Variants in COL27A1 observed in about 807,000 individuals in gnomAD.
The protein encoded by COL27A1 is collagen type XXVII alpha 1 chain, also known as collagen alpha-1(XXVII) chain.
Under a neutral mutation model 251.3 loss-of-function variants are expected in COL27A1, and 106 were observed. The ratio of observed to expected loss-of-function variants is 0.42; its 90% CI spans 0.36 to 0.50. The LOEUF (loss-of-function observed/expected upper bound fraction) is 0.50. COL27A1 is among the 20% of genes least tolerant of loss of function. The pLI is 0.00. For synonymous variants in COL27A1, 1,000 were observed against 986.3 expected (o/e 1.01, Z -0.26); for missense variants, 2,325 against 2,522.8 (o/e 0.92, Z 1.68).
intron 37 of COL27A1, among the ~76,000 whole-genome samples, chr9:114,276,894 C>T (rs1024619752): frequency 3.3e-5 from 5 of 152,196 alleles, no homozygotes; most frequent in African/African-American, 9.7e-5. Context: ...AATGCTTTCT[C>T]GAAGGTTCCC....
In COL27A1 at chr9:114,290,050, T is replaced by C; in HGVS notation, c.4207-8T>C. 6.2e-7 allele frequency: 1 copy of C among 1,611,446 alleles called. No homozygotes were observed. ...GCAGCCTCCATCATGTGGCCCTTGA[T>C]TTTTCAGGGACCAAAGGGAAAGCAA... On this transcript the variant is annotated splice_polypyrimidine_tract_variant and splice_region_variant and intron_variant, in intron 45 of 60. Transcript: ENST00000356083. The surrounding 1 kb of genome is among the most constrained non-coding windows in gnomAD (Gnocchi z 4.6).
At chr9:114,213,626 G>A (rs1242579334) in intron 12 of COL27A1, among the ~76,000 whole-genome samples, 1 of 152,186 alleles carries the variant, frequency 6.6e-6, no homozygotes, top group Admixed American at 6.5e-5. Flanking sequence ...CCAGAAGAAG[G>A]CATGGTTGCC....
chr9:114,309,556 T>C, intron 60 of COL27A1, 78 bp downstream of exon 60: 1 of 1,017,236 alleles, frequency 9.8e-7, no homozygotes, highest in South Asian at 1.5e-5. Flanking sequence ...TGTGTTTCTA[T>C]TATAAGATTA....
chr9:114,300,629 C>T lies in COL27A1; in HGVS notation c.4643C>T (p.Pro1548Leu), dbSNP rs750599765. 2.9e-5 allele frequency: 45 copies of T among 1,534,906 alleles called. No homozygotes were observed. Among genetic ancestry groups the T allele is most frequent in the Non-Finnish European group, 3.8e-5 (44 of 1,144,016 alleles). ...GMAGLFGPKG[P>L]PGDIGFKGIQ... is the part of the protein sequence containing the mutation. ...CCCTTTCTCTGCCTCCCACAGGGCCCGCCTGGAGACATTGGCTTCAAAGGC... is the reference window on the plus strand; with the variant it reads ...CCCTTTCTCTGCCTCCCACAGGGCCTGCCTGGAGACATTGGCTTCAAAGGC... Residue 1548 changes from proline to leucine, a missense_variant, in exon 51 of 61, where the codon CCG (proline) becomes CTG (leucine). Around this residue, in one of 4 missense-constraint regions of COL27A1, gnomAD observed 327 missense variants for 442.8 expected, o/e 0.74. Transcript: ENST00000356083.
intron 27 of COL27A1, among the ~76,000 whole-genome samples, chr9:114,253,723 A>G (rs1002958033): frequency 6.6e-6 from 1 of 152,244 alleles, no homozygotes; most frequent in Non-Finnish European, 1.5e-5. Flanking sequence ...AATCATGGTC[A>G]GGATAGTGTG....
At chr9:114,159,331 C>G (rs879293570) in intron 1 of COL27A1, among the ~76,000 whole-genome samples, 1 of 152,122 alleles carries the variant, frequency 6.6e-6, no homozygotes, top group East Asian at 1.9e-4. Flanking sequence ...GGAAACTGAC[C>G]GAGAAGGACA....
rs1007195371 is a variant in COL27A1 at position 114,311,297 on chromosome 9, C to A, written c.*602C>A. On this transcript the variant is annotated 3_prime_UTR_variant, in exon 61 of 61. Transcript: ENST00000356083. ...CGTTTGCTACCTCCCACTGTGAAAT[C>A]GCTGGTGCTCACAATTGTCTCTCAC... 2 of 150,726 alleles carry A rather than the reference C, an allele frequency of 1.3e-5. No individual in the cohort carries two copies. Among genetic ancestry groups the A allele is most frequent in the African/African-American group, 2.4e-5 (1 of 40,930 alleles). The allele number at this position is 150,726 out of a possible 1,614,324, so 9.3% of individuals were successfully genotyped here.
At chr9:114,267,930 C>T (rs909274187) in intron 34 of COL27A1, among the ~76,000 whole-genome samples, 2 of 152,194 alleles carry the variant, frequency 1.3e-5, no homozygotes, top group South Asian at 2.1e-4. Flanking sequence ...TGGAAGAGGA[C>T]GCTGTTCCCC....
Position 114,237,362 on chromosome 9 carries a change from C to G in COL27A1, c.2674-300C>G, listed in dbSNP as rs141577157. On this transcript the variant is annotated intron_variant, in intron 18 of 60. Coordinates refer to ENST00000356083, the MANE Select transcript of COL27A1 (RefSeq NM_032888.4). The stretch of plus-strand genomic sequence containing the variant: ...TATTGAGTGTCACTGTGCATCCGAC[C>G]CTTTCTGAACTGTTTCTTTGAAGGC... 2.1e-3 allele frequency among the ~76,000 whole-genome samples: 326 copies of G among 152,300 alleles called. 2 individuals are homozygous for G. Among genetic ancestry groups the G allele is most frequent in the African/African-American group, 7.4e-3 (307 of 41,568 alleles).
At chr9:114,265,607 G>C (rs1278973711) in intron 32 of COL27A1, 132 bp downstream of exon 32, 1 of 840,448 alleles carries the variant, frequency 1.2e-6, no homozygotes, top group African/African-American at 1.7e-5. Flanking sequence ...GCCAGGCCTT[G>C]GGGTTGGTGG....
At chr9:114,280,193 G>A (rs1367653874) in intron 37 of COL27A1, among the ~76,000 whole-genome samples, 1 of 151,350 alleles carries the variant, frequency 6.6e-6, no homozygotes, top group Non-Finnish European at 1.5e-5. Flanking sequence ...AACCTAATTG[G>A]GTGTGTCAAC....
intron 10 of COL27A1, among the ~76,000 whole-genome samples, chr9:114,206,543 C>T (rs915413199): frequency 2.0e-5 from 3 of 152,206 alleles, no homozygotes; most frequent in African/African-American, 7.2e-5. Flanking sequence ...TGGCCACAGT[C>T]CAGCTGCAAA....
intron 32 of COL27A1, 50 bp from the exon 33 acceptor site, chr9:114,266,515 G>T: frequency 6.5e-7 from 1 of 1,543,306 alleles, no homozygotes; most frequent in Non-Finnish European, 8.9e-7. Context: ...ATCCCAAAGA[G>T]GGCCCAGGCT....
intron 40 of COL27A1, 58 bp downstream of exon 40, chr9:114,283,820 A>T: frequency 6.4e-7 from 1 of 1,567,000 alleles, no homozygotes; most frequent in Non-Finnish European, 8.8e-7. Context: ...CTGGAAACAC[A>T]GGCCCATGCC....
At chr9:114,308,678 G>A (rs902262905) in intron 59 of COL27A1, among the ~76,000 whole-genome samples, 3 of 152,244 alleles carry the variant, frequency 2.0e-5, no homozygotes, top group Non-Finnish European at 2.9e-5. Context: ...GGTGAGGCTG[G>A]AGTTGGCGCC....
intron 1 of COL27A1, among the ~76,000 whole-genome samples, chr9:114,162,085 C>T (rs1311454691): frequency 6.6e-6 from 1 of 152,212 alleles, no homozygotes; most frequent in Non-Finnish European, 1.5e-5. Context: ...CTGTCTAACT[C>T]CCCCTCGTCC....
intron 1 of COL27A1, among the ~76,000 whole-genome samples, chr9:114,162,100 T>A (rs1449554153): frequency 6.6e-6 from 1 of 152,242 alleles, no homozygotes; most frequent in Non-Finnish European, 1.5e-5. Flanking sequence ...TCGTCCCCTC[T>A]GTTTTCTTTC....
chr9:114,284,598 G>T (rs1306896617), intron 40 of COL27A1, 126 bp from the exon 41 acceptor site: 1 of 930,470 alleles, frequency 1.1e-6, no homozygotes, highest in African/African-American at 1.6e-5. Context: ...CTTACTCAGA[G>T]CCACACAGCC....
rs377310434 is a variant in COL27A1 at position 114,276,834 on chromosome 9, A to C, written c.3717+1066A>C. On this transcript the variant is annotated intron_variant, in intron 37 of 60. Transcript: ENST00000356083. ...GACTTTGAGGGACATAGAAGCCAGT[A>C]GGGAAGGGAGCAGAATTCTCCTGTT... 5.9e-5 allele frequency among the ~76,000 whole-genome samples: 9 copies of C among 152,376 alleles called. 1 individual carries two copies. The highest frequency in any genetic ancestry group is 1.9e-4 in the African/African-American group (8 of 41,598).
Sources: allele counts gnomAD v4.1 joint callset (sites outside exome capture counted in the v4.1 genomes callset), GRCh38; gene constraint gnomAD v4.1.1; regional missense constraint gnomAD v4.1.1; non-coding constraint Gnocchi (gnomAD v3.1); transcripts MANE v1.5; gene names NCBI Gene and HGNC (gene_info 2026-07-23, HGNC 2026-07-21).